Variants in NEXMIF observed in about 807,000 individuals in gnomAD.
NEXMIF encodes XLMR protein related to neurite extension.
NEXMIF carries 8 observed loss-of-function variants against 62.1 expected under a neutral mutation model. That is an observed-to-expected ratio of 0.13 (90% CI 0.08 to 0.23). NEXMIF has a LOEUF of 0.23. Among genes scored for constraint, NEXMIF ranks in the 10% least tolerant of loss-of-function variants. NEXMIF has a pLI of 1.00. For missense variants in NEXMIF, 976 were observed against 1,113.3 expected (o/e 0.88, Z 1.75); for synonymous variants, 404 against 416.6 (o/e 0.97, Z 0.37).
rs2080267990 is a variant in NEXMIF, at chrX:74,788,667, C to T, written c.-47-42970G>A. On this transcript the variant is annotated intron_variant, in intron 1 of 3. Transcript: ENST00000055682. ...ATCTAACCTAAAGTTTACCATTACA[C>T]AAATTTAGCTGTTGGGATACTTGCC... Among the ~76,000 whole-genome samples the T allele has an allele frequency of 3.6e-5, 4 of 111,638 alleles. No individual in the cohort carries two copies. In the Admixed American group the frequency reaches 3.8e-4, roughly 11 times the overall value.
Position 74,847,796 on chromosome X carries a change from GTTAA to G in NEXMIF, c.-48+77083_-48+77086del, listed in dbSNP as rs1170165529. ...TATCCATGTCAACTCAAGGCTGTGAGTTAATTAATGATAGTAATAATAATAATAT... is the reference window on the plus strand; with the variant it reads ...TATCCATGTCAACTCAAGGCTGTGAGTTAATGATAGTAATAATAATAATAT... On this transcript the variant is annotated intron_variant, in intron 1 of 3. Coordinates refer to ENST00000055682, the MANE Select transcript of NEXMIF (RefSeq NM_001008537.3). Among the ~76,000 whole-genome samples, 7 of 111,039 alleles carry G rather than the reference GTTAA, an allele frequency of 6.3e-5. No homozygotes were observed. The East Asian group carries it at 8.5e-4, about 13-fold the overall frequency.
chrX:74,886,399 C>A (rs2080693464), intron 1 of NEXMIF, among the ~76,000 whole-genome samples: 1 of 111,416 alleles, frequency 9.0e-6, no homozygotes, highest in Non-Finnish European at 1.9e-5. Context: ...TCTGGAAAAC[C>A]CCATCGTCTC....
intron 1 of NEXMIF, among the ~76,000 whole-genome samples, chrX:74,876,076 T>C (rs2080631515): frequency 9.1e-6 from 1 of 110,494 alleles, no homozygotes; most frequent in African/African-American, 3.3e-5. Context: ...AGTTCCTTTG[T>C]GATGTTAGGG....
At chrX:74,747,861 C>A (rs191798325) in intron 1 of NEXMIF, among the ~76,000 whole-genome samples, 12 of 112,214 alleles carry the variant, frequency 1.1e-4, no homozygotes, top group African/African-American at 3.9e-4. Context: ...AGCGATCCAA[C>A]TGCCTCAGCC....
At chrX:74,834,358 A>G (rs1248265102) in intron 1 of NEXMIF, among the ~76,000 whole-genome samples, 1 of 110,974 alleles carries the variant, frequency 9.0e-6, no homozygotes, top group Admixed American at 9.6e-5. Context: ...TTATATCATT[A>G]TAATATTCTG....
chrX:74,763,273 T>A, intron 1 of NEXMIF, among the ~76,000 whole-genome samples: 1 of 111,205 alleles, frequency 9.0e-6, no homozygotes, highest in Non-Finnish European at 1.9e-5. Flanking sequence ...GATCAGATGG[T>A]TGTAGATGTG....
chrX:74,830,407 A>G (rs1048956656), intron 1 of NEXMIF, among the ~76,000 whole-genome samples: 12 of 111,300 alleles, frequency 1.1e-4, no homozygotes, highest in African/African-American at 3.9e-4. Flanking sequence ...CCATTGATCA[A>G]TGTGTCTGTT....
chrX:74,886,936 T>C (rs2147362680), intron 1 of NEXMIF, among the ~76,000 whole-genome samples: 1 of 110,311 alleles, frequency 9.1e-6, no homozygotes, highest in African/African-American at 3.4e-5. Flanking sequence ...AGCATGGTAC[T>C]GGTACCAAAA....
chrX:74,879,071 A>G (rs1207441369), intron 1 of NEXMIF, among the ~76,000 whole-genome samples: 1 of 112,173 alleles, frequency 8.9e-6, no homozygotes, highest in Non-Finnish European at 1.9e-5. Flanking sequence ...ACTGTGTTAC[A>G]ATTTTCTACA....
Position 74,743,462 on chromosome X carries a change from C to G in NEXMIF, c.1095G>C (p.Lys365Asn). 1 of 1,211,571 alleles carries G rather than the reference C, an allele frequency of 8.3e-7. No individual in the cohort carries two copies. The highest frequency in any genetic ancestry group is 3.0e-5 in the East Asian group (1 of 33,832). ...CCCAGATGATGCTCACATCAGGGAC[C>G]TTGAATTGGGAAAAATCACTGCTCT... ...LKQSSDFSQF[K>N]VPDVSIIWGE... The change falls in exon 3 of 4, where the codon AAG becomes AAC. Residue 365 changes from lysine to asparagine, a missense_variant. Coordinates refer to ENST00000055682, the MANE Select transcript of NEXMIF (RefSeq NM_001008537.3).
chrX:74,832,262 A>G (rs952568723), intron 1 of NEXMIF, among the ~76,000 whole-genome samples: 1 of 111,368 alleles, frequency 9.0e-6, no homozygotes, highest in African/African-American at 3.3e-5. Flanking sequence ...GACTTTTATT[A>G]TGGTTTTGAT....
At chrX:74,875,357 A>G (rs758716487) in intron 1 of NEXMIF, among the ~76,000 whole-genome samples, 3 of 111,690 alleles carry the variant, frequency 2.7e-5, no homozygotes, top group African/African-American at 3.3e-5. Flanking sequence ...CTTGATCATG[A>G]TGGATAAGCT....
At chrX:74,794,221 T>C (rs896512354) in intron 1 of NEXMIF, among the ~76,000 whole-genome samples, 1 of 110,118 alleles carries the variant, frequency 9.1e-6, no homozygotes, top group African/African-American at 3.3e-5. Context: ...GCAGGTCTGT[T>C]GGAATACCCT....
intron 1 of NEXMIF, among the ~76,000 whole-genome samples, chrX:74,848,226 T>A (rs2080499737): frequency 8.9e-6 from 1 of 112,353 alleles, no homozygotes; most frequent in East Asian, 2.8e-4. Flanking sequence ...GAGCTAGTAA[T>A]TAACACAAAT....
chrX:74,920,297 G>A (rs780331869), intron 1 of NEXMIF, among the ~76,000 whole-genome samples: 32 of 111,311 alleles, frequency 2.9e-4, no homozygotes, highest in African/African-American at 9.8e-4. Flanking sequence ...GTTGTTTCCT[G>A]ACTTTTTAAT....
intron 1 of NEXMIF, among the ~76,000 whole-genome samples, chrX:74,799,745 C>T (rs1026696325): frequency 8.9e-6 from 1 of 111,988 alleles, no homozygotes; most frequent in African/African-American, 3.2e-5. Flanking sequence ...ATACTCCTGC[C>T]TCAGCCTCCC....
At chrX:74,836,011 TTTC>T (rs1474069979) in intron 1 of NEXMIF, among the ~76,000 whole-genome samples, 1 of 112,780 alleles carries the variant, frequency 8.9e-6, no homozygotes, top group African/African-American at 3.2e-5. Flanking sequence ...TTTCCCACTC[TTTC>T]TTCTTCTTTC....
chrX:74,833,206 G>A (rs1478879153), intron 1 of NEXMIF, among the ~76,000 whole-genome samples: 1 of 111,760 alleles, frequency 8.9e-6, no homozygotes, highest in African/African-American at 3.2e-5. Flanking sequence ...AAAGTAGAGT[G>A]TTGAAGTCTC....
At chrX:74,906,264 C>A (rs1436133338) in intron 1 of NEXMIF, among the ~76,000 whole-genome samples, 1 of 107,033 alleles carries the variant, frequency 9.3e-6, no homozygotes. Context: ...CAGAGCAAGA[C>A]CCCATCTCTT....
Sources: gnomAD v4.1 joint callset for allele counts (sites outside exome capture counted in the v4.1 genomes callset) on GRCh38, gnomAD v4.1.1 for gene constraint, MANE v1.5 for transcripts, NCBI Gene and HGNC (gene_info 2026-07-23, HGNC 2026-07-21) for gene names.